The following ROBO1 variants were observed in gnomAD, a reference collection of about 807,000 sequenced individuals.
ROBO1 encodes roundabout guidance receptor 1, also known as roundabout homolog 1.
ROBO1 carries 149 observed loss-of-function variants against 195.9 expected under a neutral mutation model. The observed-to-expected ratio is 0.76, with a 90% CI of 0.67 to 0.87. The LOEUF (loss-of-function observed/expected upper bound fraction) is 0.87. Ranked by LOEUF, ROBO1 falls within the 40% of genes least tolerant of loss-of-function variation. The pLI is 0.00. For missense variants in ROBO1, 1,933 were observed against 2,068.3 expected (o/e 0.93, Z 1.27); for synonymous variants, 816 against 733.2 (o/e 1.11, Z -1.82).
At chr3:79,130,002 A>G (rs1310944963) in intron 2 of ROBO1, among the ~76,000 whole-genome samples, 3 of 96,264 alleles carry the variant, frequency 3.1e-5, no homozygotes, top group African/African-American at 8.3e-5. Context: ...GATATGCGGC[A>G]TTATTTCTGA....
At chr3:79,032,119 A>G (rs2078307152) in intron 3 of ROBO1, among the ~76,000 whole-genome samples, 1 of 151,598 alleles carries the variant, frequency 6.6e-6, no homozygotes, top group South Asian at 2.1e-4. Flanking sequence ...AAGAGAGGGA[A>G]ACAATAGCTT....
intron 3 of ROBO1, among the ~76,000 whole-genome samples, chr3:79,104,285 A>G (rs1375317613): frequency 6.6e-6 from 1 of 151,852 alleles, no homozygotes. Flanking sequence ...GTTTCAAGTT[A>G]GTGTTGGTTA....
intron 1 of ROBO1, among the ~76,000 whole-genome samples, chr3:79,714,769 G>C (rs1007797629): frequency 6.7e-6 from 1 of 149,552 alleles, no homozygotes; most frequent in Non-Finnish European, 1.5e-5. Flanking sequence ...AACAACGCAT[G>C]TTCTCACTCA....
At chr3:78,654,186 C>T (rs986873947) in intron 18 of ROBO1, among the ~76,000 whole-genome samples, 4 of 152,082 alleles carry the variant, frequency 2.6e-5, no homozygotes, top group Admixed American at 6.5e-5. Flanking sequence ...AAATAAGCAA[C>T]GTTCAATGAT....
At chr3:79,108,905 A>T (rs2108527759) in intron 3 of ROBO1, among the ~76,000 whole-genome samples, 1 of 152,124 alleles carries the variant, frequency 6.6e-6, no homozygotes, top group Non-Finnish European at 1.5e-5. Flanking sequence ...AAGCATATTT[A>T]GTCACAAAAA....
intron 5 of ROBO1, among the ~76,000 whole-genome samples, chr3:78,731,981 A>G (rs1472372193): frequency 6.6e-6 from 1 of 152,140 alleles, no homozygotes; most frequent in Non-Finnish European, 1.5e-5. Context: ...AACACCAGCT[A>G]TATACATAGC....
At chr3:78,855,599 C>G (rs1386367378) in intron 4 of ROBO1, among the ~76,000 whole-genome samples, 4 of 152,084 alleles carry the variant, frequency 2.6e-5, no homozygotes, top group African/African-American at 7.2e-5. Context: ...TCTTAGATAA[C>G]CTCACTAAGC....
chr3:79,031,975 A>C (rs1397883711), intron 3 of ROBO1, among the ~76,000 whole-genome samples: 1 of 152,156 alleles, frequency 6.6e-6, no homozygotes, highest in Admixed American at 6.5e-5. Flanking sequence ...ACTCTTAAAC[A>C]ATAGTGAGAT....
chr3:78,677,151 C>T (rs1204338169), intron 10 of ROBO1, among the ~76,000 whole-genome samples: 2 of 152,056 alleles, frequency 1.3e-5, no homozygotes, highest in African/African-American at 2.4e-5. Flanking sequence ...CCAGGCCTGC[C>T]CTAAAAGAGC....
At position 79,387,840 on chromosome 3, in the gene ROBO1, A is replaced by T. The variant is rs566849718; in HGVS notation, c.88+201984T>A. ...TGGTTGCAGGTGCAGAAAAAATTAG[A>T]GTAGGATAATGGCTTTGAGAGACGC... is the stretch of plus-strand genomic sequence containing the variant. On this transcript the variant is annotated intron_variant, in intron 2 of 30. Coordinates refer to ENST00000464233, the MANE Select transcript of ROBO1 (RefSeq NM_002941.4). Among the ~76,000 whole-genome samples, 7 of 152,290 alleles carry T rather than the reference A, an allele frequency of 4.6e-5. No homozygotes were observed. In the South Asian group the frequency reaches 1.2e-3, roughly 27 times the overall value.
At chr3:79,124,670 G>A (rs1488568209) in intron 3 of ROBO1, among the ~76,000 whole-genome samples, 1 of 152,078 alleles carries the variant, frequency 6.6e-6, no homozygotes, top group Non-Finnish European at 1.5e-5. Context: ...ATTACAAATA[G>A]CTGATCTTAC....
At chr3:78,728,283 T>A (rs2082210077) in intron 5 of ROBO1, among the ~76,000 whole-genome samples, 1 of 152,146 alleles carries the variant, frequency 6.6e-6, no homozygotes, top group Non-Finnish European at 1.5e-5. Context: ...TTAGATATGA[T>A]CTGGTTTCAT....
chr3:79,308,248 A>C (rs2033313783), intron 2 of ROBO1, among the ~76,000 whole-genome samples: 1 of 152,218 alleles, frequency 6.6e-6, no homozygotes, highest in Non-Finnish European at 1.5e-5. Context: ...CATCGTACTA[A>C]GAAAAATAAC....
chr3:79,564,341 G>A (rs1167521905), intron 2 of ROBO1, among the ~76,000 whole-genome samples: 2 of 152,008 alleles, frequency 1.3e-5, no homozygotes, highest in Non-Finnish European at 2.9e-5. Flanking sequence ...ATGCTTCACT[G>A]CACTGCATGA....
chr3:78,655,609 C>T (rs1196780096), intron 18 of ROBO1, among the ~76,000 whole-genome samples: 3 of 152,176 alleles, frequency 2.0e-5, no homozygotes, highest in Admixed American at 2.0e-4. Flanking sequence ...CCGCAACTCA[C>T]ATTGTCTAAA....
chr3:79,140,719 G>A (rs568972078), intron 2 of ROBO1, among the ~76,000 whole-genome samples: 1 of 152,282 alleles, frequency 6.6e-6, no homozygotes, highest in African/African-American at 2.4e-5. Context: ...CCAATTGGGA[G>A]TTTATAGAAG....
At position 78,982,785 on chromosome 3, in the gene ROBO1, C is replaced by A. The variant is rs576792806; in HGVS notation, c.173-43858G>T. ...CTGGGATTACAGGCATGCACCAACA[C>A]GCCCAGCTAATTTTATAGAGATGGG... On this transcript the variant is annotated intron_variant, in intron 3 of 30. Transcript: ENST00000464233. Among the ~76,000 whole-genome samples the A allele has an allele frequency of 8.0e-4, 122 of 152,204 alleles. No individual in the cohort carries two copies. The Middle Eastern group carries it at 0.014, about 17-fold the overall frequency.
intron 3 of ROBO1, among the ~76,000 whole-genome samples, chr3:79,013,559 A>G (rs1042191157): frequency 1.3e-5 from 2 of 152,194 alleles, no homozygotes; most frequent in African/African-American, 2.4e-5. Flanking sequence ...CAAGTTTTAA[A>G]ATAAAAAGTG....
At position 79,120,739 on chromosome 3, in the gene ROBO1, T is replaced by C. The variant is rs147288527; in HGVS notation, c.172+4717A>G. Among the ~76,000 whole-genome samples, 30 of 152,128 alleles carry C rather than the reference T, an allele frequency of 2.0e-4. No homozygotes were observed. The East Asian group carries it at 4.8e-3, about 25-fold the overall frequency. ...ATCTAGAATGTTAAAAAAATGCAAC[T>C]ATTGACTCCAAAAAATAATCAATTG... On this transcript the variant is annotated intron_variant, in intron 3 of 30. Transcript: ENST00000464233.
Sources: allele counts gnomAD v4.1 joint callset (sites outside exome capture counted in the v4.1 genomes callset), GRCh38; gene constraint gnomAD v4.1.1; transcripts MANE v1.5; gene names NCBI Gene and HGNC (gene_info 2026-07-23, HGNC 2026-07-21).